Variants in ALK observed in about 807,000 individuals in gnomAD.
ALK encodes the protein ALK tyrosine kinase receptor.
A neutral mutation model predicts 163.1 loss-of-function variants in ALK; 74 were observed. The ratio of observed to expected loss-of-function variants is 0.45; its 90% CI spans 0.38 to 0.55. ALK has a LOEUF of 0.55. Ranked by LOEUF, ALK falls within the 20% of genes least tolerant of loss-of-function variation. The probability of loss-of-function intolerance (pLI) is 0.00; values close to 1 mark genes in which losing one functional copy is unlikely to be tolerated. For synonymous variants in ALK, 960 were observed against 843.2 expected, an observed-to-expected ratio of 1.14 and a Z score of -2.40; for missense variants, 2,063 against 2,105.3, an observed-to-expected ratio of 0.98 and a Z score of 0.39.
chr2:29,646,360 T>G (rs1676875840), intron 3 of ALK, among the ~76,000 whole-genome samples: 1 of 152,136 alleles, frequency 6.6e-6, no homozygotes, highest in Non-Finnish European at 1.5e-5. Flanking sequence ...CTTGCTTAGT[T>G]TCTTGAAAAT....
rs529161041 is a variant in ALK at position 29,467,172 on chromosome 2, A to T, written c.1154+64743T>A. On this transcript the variant is annotated intron_variant, in intron 4 of 28. Transcript: ENST00000389048. ...AAGGGATGACTTTTGTTTTGGGATC[A>T]TGAGGACCAAGAGCCTTGTTTGACC... Among the ~76,000 whole-genome samples the T allele has an allele frequency of 9.2e-5, 14 of 152,126 alleles. No homozygotes were observed. In the South Asian group the frequency reaches 2.5e-3, roughly 27 times the overall value.
chr2:29,439,478 CGCT>C (rs1670482352), intron 4 of ALK, among the ~76,000 whole-genome samples: 2 of 152,046 alleles, frequency 1.3e-5, no homozygotes, highest in South Asian at 4.2e-4. Flanking sequence ...GAAACAATAT[CGCT>C]GCTCACAGGA....
intron 4 of ALK, among the ~76,000 whole-genome samples, chr2:29,397,908 AG>A (rs1295307353): frequency 1.3e-5 from 2 of 152,256 alleles, no homozygotes; most frequent in African/African-American, 4.8e-5. Flanking sequence ...TTCAGAATTC[AG>A]GCCTCTGCTG....
At chr2:29,290,098 T>A (rs575578926) in intron 9 of ALK, among the ~76,000 whole-genome samples, 2 of 152,184 alleles carry the variant, frequency 1.3e-5, no homozygotes, top group Non-Finnish European at 2.9e-5. Context: ...GGTTTGTACA[T>A]TTCATGCTTG....
At chr2:29,598,365 T>TG (rs1553336828) in intron 3 of ALK, among the ~76,000 whole-genome samples, 1 of 151,424 alleles carries the variant, frequency 6.6e-6, no homozygotes, top group Admixed American at 6.6e-5. Context: ...GTTGTTTGTT[T>TG]TTTGTTTGTT....
At chr2:29,655,152 A>G (rs914926958) in intron 3 of ALK, among the ~76,000 whole-genome samples, 16 of 152,186 alleles carry the variant, frequency 1.1e-4, no homozygotes, top group African/African-American at 3.6e-4. Flanking sequence ...TCTCTGATTT[A>G]TCAACCTTCA....
chr2:29,493,397 T>C (rs1283291176), intron 4 of ALK, among the ~76,000 whole-genome samples: 1 of 152,006 alleles, frequency 6.6e-6, no homozygotes, highest in African/African-American at 2.4e-5. Context: ...CATCAGAGAG[T>C]CACGTATCGT....
At chr2:29,245,507 C>A (rs1163874265) in intron 12 of ALK, among the ~76,000 whole-genome samples, 1 of 146,308 alleles carries the variant, frequency 6.8e-6, no homozygotes, top group Non-Finnish European at 1.5e-5. Context: ...TGACTCAGTG[C>A]CCTGCACATA....
chr2:29,500,004 C>G (rs531989283), intron 4 of ALK, among the ~76,000 whole-genome samples: 1 of 152,264 alleles, frequency 6.6e-6, no homozygotes, highest in Admixed American at 6.5e-5. Flanking sequence ...ACACTTGGGT[C>G]TCGCTGTTCC....
At chr2:29,719,289 A>G (rs989804243) in intron 1 of ALK, among the ~76,000 whole-genome samples, 14 of 152,198 alleles carry the variant, frequency 9.2e-5, no homozygotes, top group Admixed American at 9.2e-4. Flanking sequence ...GTCTACAGAG[A>G]TTAGAACTGA....
chr2:29,394,266 T>C (rs1217111007), intron 4 of ALK, among the ~76,000 whole-genome samples: 1 of 151,386 alleles, frequency 6.6e-6, no homozygotes, highest in Non-Finnish European at 1.5e-5. Flanking sequence ...AGAAGATGCA[T>C]CAGTGGTTTT....
chr2:29,568,305 C>T (rs2148188083), intron 3 of ALK, among the ~76,000 whole-genome samples: 1 of 152,352 alleles, frequency 6.6e-6, no homozygotes, highest in African/African-American at 2.4e-5. Flanking sequence ...AATTCAATCT[C>T]TCTCACAGTT....
intron 1 of ALK, among the ~76,000 whole-genome samples, chr2:29,778,637 G>C (rs1681245405): frequency 6.6e-6 from 1 of 152,132 alleles, no homozygotes; most frequent in Admixed American, 6.5e-5. Context: ...TCTGTGCAGT[G>C]GCTGCTATCT....
intron 1 of ALK, among the ~76,000 whole-genome samples, chr2:29,820,804 G>A (rs1219814680): frequency 6.6e-6 from 1 of 152,210 alleles, no homozygotes; most frequent in Non-Finnish European, 1.5e-5. Context: ...TGATGTTGGA[G>A]AACCAACCCA....
intron 3 of ALK, among the ~76,000 whole-genome samples, chr2:29,575,150 C>A (rs1040673130): frequency 6.6e-6 from 1 of 152,094 alleles, no homozygotes; most frequent in Non-Finnish European, 1.5e-5. Flanking sequence ...TCATAGAACT[C>A]AATTAAACCA....
At chr2:29,426,734 T>A (rs925892067) in intron 4 of ALK, among the ~76,000 whole-genome samples, 1 of 152,108 alleles carries the variant, frequency 6.6e-6, no homozygotes, top group African/African-American at 2.4e-5. Context: ...TTCTTTCTCT[T>A]AATGGATTTA....
At chr2:29,887,811 C>T (rs1667023522) in intron 1 of ALK, among the ~76,000 whole-genome samples, 1 of 152,192 alleles carries the variant, frequency 6.6e-6, no homozygotes, top group Non-Finnish European at 1.5e-5. Context: ...TCCTGGTTAG[C>T]TTCATTTAAT....
At chr2:29,477,910 C>A in intron 4 of ALK, among the ~76,000 whole-genome samples, 1 of 152,116 alleles carries the variant, frequency 6.6e-6, no homozygotes, top group East Asian at 1.9e-4. Context: ...TGTGTAGGAG[C>A]CTATAGGCGA....
chr2:29,342,102 A>C (rs1489210504), intron 5 of ALK, among the ~76,000 whole-genome samples: 4 of 152,238 alleles, frequency 2.6e-5, no homozygotes, highest in Non-Finnish European at 5.9e-5. Context: ...CGAAATATAC[A>C]AGAAGATGAC....
Sources: allele counts gnomAD v4.1 joint callset (sites outside exome capture counted in the v4.1 genomes callset), GRCh38; gene constraint gnomAD v4.1.1; transcripts MANE v1.5; gene names NCBI Gene and HGNC (gene_info 2026-07-23, HGNC 2026-07-21).